Variants in ACTR3C observed in about 807,000 individuals in gnomAD.
The protein encoded by ACTR3C is actin-related protein 3C.
ACTR3C carries 18 observed loss-of-function variants against 26.3 expected under a neutral mutation model. The observed-to-expected ratio is 0.68, with a 90% CI of 0.47 to 1.01. The LOEUF (loss-of-function observed/expected upper bound fraction) is 1.01. ACTR3C is among the 50% of genes least tolerant of loss of function. The pLI, the probability that ACTR3C is intolerant of heterozygous loss-of-function variation, is 0.00. For synonymous variants in ACTR3C, 55 were observed against 94.5 expected (o/e 0.58, Z 2.42); for missense variants, 184 against 250.7 (o/e 0.73, Z 1.80).
At chr7:150,127,056 C>T in the ACTR3C span, among the ~76,000 whole-genome samples, 1 of 152,076 alleles carries the variant, frequency 6.6e-6, no homozygotes, top group African/African-American at 2.4e-5. Context: ...TCTGAACCAC[C>T]AGGAAGAATC....
chr7:150,112,300 C>T, the ACTR3C span, among the ~76,000 whole-genome samples: 1 of 152,206 alleles, frequency 6.6e-6, no homozygotes. Context: ...ACTTGGAAGA[C>T]AAACAAATGT....
In ACTR3C at chr7:150,292,722, C is replaced by G. The variant is rs546324939; in HGVS notation, c.153+590G>C. ...ATGTTGGTCAGGCAGGTCTCGAATT[C>G]CCGACCTCAGGTGATCCGCCCGCCT... On this transcript the variant is annotated intron_variant, in intron 3 of 7. Transcript: ENST00000683684. Among the ~76,000 whole-genome samples, 179 of 152,284 alleles carry G rather than the reference C, an allele frequency of 1.2e-3. 5 individuals are homozygous for G. In the South Asian group the frequency reaches 0.036, roughly 31 times the overall value.
At chr7:150,129,769 G>T in the ACTR3C span, among the ~76,000 whole-genome samples, 1 of 152,128 alleles carries the variant, frequency 6.6e-6, no homozygotes, top group Non-Finnish European at 1.5e-5. Context: ...TCCGAAAATT[G>T]ATGTATAGAG....
At chr7:149,896,823 G>T in the ACTR3C span, among the ~76,000 whole-genome samples, 1 of 151,978 alleles carries the variant, frequency 6.6e-6, no homozygotes, top group Non-Finnish European at 1.5e-5. Flanking sequence ...ACTTTAGGAG[G>T]TCGAGGCGGG....
chr7:149,910,998 T>C, the ACTR3C span, among the ~76,000 whole-genome samples: 40 of 151,672 alleles, frequency 2.6e-4, no homozygotes, highest in Middle Eastern at 3.4e-3. Flanking sequence ...CCAGGTGAAG[T>C]CCTCTCCAGC....
the ACTR3C span, among the ~76,000 whole-genome samples, chr7:150,035,162 CA>C: frequency 2.5e-4 from 35 of 138,804 alleles, 1 homozygote; most frequent in East Asian, 6.3e-4. Flanking sequence ...GGTCCTAAGC[CA>C]GGGGGGGAAG....
chr7:150,314,861 C>A (rs902027817), intron 1 of ACTR3C, among the ~76,000 whole-genome samples: 1 of 149,678 alleles, frequency 6.7e-6, no homozygotes, highest in African/African-American at 2.4e-5. Context: ...CGGAGGCGAG[C>A]GGCTCACTTG....
the ACTR3C span, among the ~76,000 whole-genome samples, chr7:150,214,692 A>G: frequency 6.6e-6 from 1 of 152,174 alleles, no homozygotes; most frequent in Non-Finnish European, 1.5e-5. Flanking sequence ...TAAAGATTCA[A>G]GGTGATCTTT....
At chr7:149,992,371 C>T in the ACTR3C span, among the ~76,000 whole-genome samples, 7 of 152,316 alleles carry the variant, frequency 4.6e-5, no homozygotes, top group East Asian at 9.6e-4. Context: ...GGCACTGGCC[C>T]GACTTTGACA....
chr7:149,968,131 C>A, the ACTR3C span, among the ~76,000 whole-genome samples: 3 of 152,276 alleles, frequency 2.0e-5, no homozygotes, highest in Non-Finnish European at 4.4e-5. Context: ...GAAGACCCAG[C>A]AGTAACAATC....
At chr7:149,933,269 C>G in the ACTR3C span, among the ~76,000 whole-genome samples, 11 of 151,666 alleles carry the variant, frequency 7.3e-5, no homozygotes, top group Non-Finnish European at 1.2e-4. Context: ...TCCCCACCAT[C>G]CCCATAGGAA....
In ACTR3C at chr7:150,308,379, C is replaced by A. The variant is rs559215843; in HGVS notation, c.-51-13032G>T. On this transcript the variant is annotated intron_variant, in intron 1 of 7. Transcript: ENST00000683684. ...ACTCCGCTTGGCCCCAATACAAGCTCGACAATGGTTCCAAGTGGCCAGAAA... is the reference window on the plus strand; with the variant it reads ...ACTCCGCTTGGCCCCAATACAAGCTAGACAATGGTTCCAAGTGGCCAGAAA... Among the ~76,000 whole-genome samples the A allele has an allele frequency of 5.9e-5, 9 of 152,222 alleles. No individual in the cohort carries two copies. The East Asian group carries it at 1.4e-3, about 23-fold the overall frequency.
At chr7:150,035,453 C>A in the ACTR3C span, among the ~76,000 whole-genome samples, 9 of 105,200 alleles carry the variant, frequency 8.6e-5, 1 homozygote, top group African/African-American at 2.9e-4. Flanking sequence ...GCGGGGGGTG[C>A]CTCCCCCGTT....
the ACTR3C span, among the ~76,000 whole-genome samples, chr7:150,114,278 T>C: frequency 6.6e-6 from 1 of 152,200 alleles, no homozygotes; most frequent in African/African-American, 2.4e-5. Flanking sequence ...CATCCTCTAA[T>C]GAGTCCTTCA....
the ACTR3C span, among the ~76,000 whole-genome samples, chr7:149,976,362 C>A: frequency 6.6e-6 from 1 of 152,112 alleles, no homozygotes; most frequent in East Asian, 1.9e-4. Context: ...ATCACGAGGT[C>A]AGGAGATCAA....
the ACTR3C span, among the ~76,000 whole-genome samples, chr7:150,183,262 T>C: frequency 1.4e-5 from 2 of 147,622 alleles, 1 homozygote; most frequent in African/African-American, 5.4e-5. Flanking sequence ...CATTAGGGGC[T>C]AACACACACA....
At chr7:149,894,644 T>C in the ACTR3C span, among the ~76,000 whole-genome samples, 1 of 152,210 alleles carries the variant, frequency 6.6e-6, no homozygotes. Flanking sequence ...AAATGCTCAA[T>C]ATCACTAATC....
the ACTR3C span, among the ~76,000 whole-genome samples, chr7:149,943,931 A>C: frequency 7.0e-6 from 1 of 143,278 alleles, no homozygotes; most frequent in East Asian, 2.0e-4. Flanking sequence ...GTACACTGAA[A>C]ACTTAGCTTG....
chr7:150,083,636 A>T, the ACTR3C span, among the ~76,000 whole-genome samples: 1 of 152,048 alleles, frequency 6.6e-6, no homozygotes, highest in East Asian at 1.9e-4. Flanking sequence ...ATTCCTTCTA[A>T]CTGCACGTTT....
Sources: allele counts gnomAD v4.1 joint callset (sites outside exome capture counted in the v4.1 genomes callset), GRCh38; gene constraint gnomAD v4.1.1; transcripts MANE v1.5; gene names NCBI Gene and HGNC (gene_info 2026-07-23, HGNC 2026-07-21).